Variants in TUT4 observed in about 807,000 individuals in gnomAD.
TUT4 encodes terminal uridylyltransferase 4.
A neutral mutation model predicts 192.2 loss-of-function variants in TUT4; 36 were observed. The observed-to-expected ratio is 0.19, with a 90% CI of 0.14 to 0.25. The LOEUF (loss-of-function observed/expected upper bound fraction) is 0.25, where lower values mean the gene tolerates loss of function less well. Among genes scored for constraint, TUT4 ranks in the 10% least tolerant of loss-of-function variants. TUT4 has a pLI of 1.00. For synonymous variants in TUT4, 618 were observed against 666.0 expected, an observed-to-expected ratio of 0.93 and a Z score of 1.11; for missense variants, 1,493 against 1,957.2, an observed-to-expected ratio of 0.76 and a Z score of 4.47.
intron 20 of TUT4, among the ~76,000 whole-genome samples, chr1:52,454,525 C>T (rs1046455564): frequency 3.3e-5 from 5 of 152,078 alleles, no homozygotes; most frequent in East Asian, 3.9e-4. Flanking sequence ...AACATCCACA[C>T]GCAAAACAAT....
At chr1:52,459,865 G>A (rs1662081129) in intron 19 of TUT4, among the ~76,000 whole-genome samples, 1 of 151,750 alleles carries the variant, frequency 6.6e-6, no homozygotes, top group Non-Finnish European at 1.5e-5. Context: ...CTGGGTGACA[G>A]AGAAAGACGC....
chr1:52,532,244 C>A (rs1683668153), intron 1 of TUT4, among the ~76,000 whole-genome samples: 1 of 152,026 alleles, frequency 6.6e-6, no homozygotes, highest in South Asian at 2.1e-4. Context: ...TTTCTCTCCT[C>A]AGAAGCAACT....
intron 15 of TUT4, among the ~76,000 whole-genome samples, chr1:52,466,118 C>T (rs551685663): frequency 2.0e-5 from 3 of 152,244 alleles, no homozygotes; most frequent in African/African-American, 4.8e-5. Context: ...TACCCCCATC[C>T]AGTTCTGATG....
chr1:52,501,420 T>C (rs993884381), intron 4 of TUT4, among the ~76,000 whole-genome samples: 3 of 133,692 alleles, frequency 2.2e-5, no homozygotes, highest in Admixed American at 1.6e-4. Context: ...TTCATATCCA[T>C]CAGCATTGCT....
intron 1 of TUT4, among the ~76,000 whole-genome samples, chr1:52,541,161 A>G (rs1686513834): frequency 6.6e-6 from 1 of 151,504 alleles, no homozygotes; most frequent in Admixed American, 6.6e-5. Flanking sequence ...GTGAGCCAAG[A>G]TCACGCGACT....
intron 19 of TUT4, among the ~76,000 whole-genome samples, chr1:52,459,145 G>A (rs1328933127): frequency 3.3e-5 from 5 of 152,116 alleles, no homozygotes; most frequent in African/African-American, 1.2e-4. Context: ...AGTTAGCCGG[G>A]TGTGGTGGCG....
In TUT4 at chr1:52,446,449, A is replaced by AT. The variant is rs759921503; in HGVS notation, c.3514-8dup. 3.8e-6 allele frequency: 6 copies of AT among 1,560,208 alleles called. No homozygotes were observed. The highest frequency in any genetic ancestry group is 2.6e-6 in the Non-Finnish European group (3 of 1,161,100). On this transcript the variant is annotated splice_region_variant and splice_polypyrimidine_tract_variant and intron_variant, in intron 21 of 29. Coordinates refer to ENST00000257177, the MANE Select transcript of TUT4 (RefSeq NM_001009881.3). ...GTGAAGGTAAACGCTTTTTCTACAT[A>AT]TAAAAAAAAAAAGAAAAGAACAATG...
At chr1:52,475,568 C>G (rs779113164) in intron 12 of TUT4, 33 bp from the exon 13 acceptor site, 1 of 1,534,886 alleles carries the variant, frequency 6.5e-7, no homozygotes, top group Non-Finnish European at 8.8e-7. Context: ...ATAGCTAAGT[C>G]TCTACTAACA....
At chr1:52,469,536 G>A (rs1360659818) in intron 14 of TUT4, among the ~76,000 whole-genome samples, 1 of 152,110 alleles carries the variant, frequency 6.6e-6, no homozygotes, top group African/African-American at 2.4e-5. Flanking sequence ...CGAGCCATGT[G>A]GTAATGAGTT....
At chr1:52,450,320 A>T (rs1379421104) in intron 20 of TUT4, among the ~76,000 whole-genome samples, 2 of 152,202 alleles carry the variant, frequency 1.3e-5, no homozygotes, top group African/African-American at 4.8e-5. Context: ...GACAACCATT[A>T]AAAAAGGCCA....
In TUT4 at chr1:52,497,104, A is replaced by G. The variant is rs111535512; in HGVS notation, c.1079T>C (p.Ile360Thr). ...AHLAALSVAV[I>T]ELAKEHGITD... ...TATTCCATGTTCTTTTGCTAATTCA[A>G]TGACTGCAACACTTAAAGCAGCCAA... is the stretch of plus-strand genomic sequence containing the variant. The change falls in exon 5 of 30, where the codon ATT (isoleucine) becomes ACT (threonine). Residue 360 changes from isoleucine to threonine, a missense_variant. By Grantham distance (89) the Ile-to-Thr change is moderately conservative (BLOSUM62 -1). Around this residue, in one of 7 missense-constraint regions of TUT4, gnomAD observed 437 missense variants for 577.6 expected, o/e 0.76. Transcript: ENST00000257177. 40 of 1,613,928 alleles carry G rather than the reference A, an allele frequency of 2.5e-5. No homozygotes were observed. Among genetic ancestry groups the G allele is most frequent in the Non-Finnish European group, 3.4e-5 (40 of 1,179,982 alleles).
chr1:52,532,259 A>G (rs550755901), intron 1 of TUT4, among the ~76,000 whole-genome samples: 3 of 151,406 alleles, frequency 2.0e-5, no homozygotes, highest in African/African-American at 4.8e-5. Context: ...GCAACTACCT[A>G]CTTTCAGTTA....
intron 8 of TUT4, 31 bp downstream of exon 8, chr1:52,490,701 T>C: frequency 6.3e-7 from 1 of 1,576,438 alleles, no homozygotes; most frequent in Non-Finnish European, 8.6e-7. Flanking sequence ...GGGTTTGTTT[T>C]TTTAAATATT....
In TUT4 at chr1:52,475,114, T is replaced by C. The variant is rs1666757262; in HGVS notation, c.2445A>G (p.Lys815=). The C allele has an allele frequency of 1.9e-6, 3 of 1,614,044 alleles. No homozygotes were observed. Among genetic ancestry groups the C allele is most frequent in the African/African-American group, 1.3e-5 (1 of 74,922 alleles). ...SSEIEPKLDK[K]QDDLAPSETC... ...TTTCTGAAGGCGCTAAATCATCTTG[T>C]TTCTTATCTAATTTTGGCTCTATTT... The change falls in exon 13 of 30, where the codon AAA becomes AAG. Residue 815 remains lysine, a synonymous_variant. Transcript: ENST00000257177.
At chr1:52,436,406 A>G (rs777748636) in intron 26 of TUT4, among the ~76,000 whole-genome samples, 6 of 150,972 alleles carry the variant, frequency 4.0e-5, no homozygotes, top group Non-Finnish European at 8.8e-5. Flanking sequence ...GAATCGCTTG[A>G]ACCCGGGAGG....
At chr1:52,436,644 C>T (rs373608842) in intron 26 of TUT4, 111 bp downstream of exon 26, 9 of 1,509,812 alleles carry the variant, frequency 6.0e-6, no homozygotes, top group African/African-American at 4.2e-5. Context: ...TTGTAAGGTC[C>T]AAAATCATAC....
At chr1:52,446,158 T>C in intron 22 of TUT4, 107 bp downstream of exon 22, 1 of 1,376,070 alleles carries the variant, frequency 7.3e-7, no homozygotes, top group Non-Finnish European at 1.0e-6. Flanking sequence ...GGAGGAAAAC[T>C]GATAAAAGAG....
intron 2 of TUT4, among the ~76,000 whole-genome samples, chr1:52,520,624 T>C (rs1679986986): frequency 6.6e-6 from 1 of 152,150 alleles, no homozygotes; most frequent in Admixed American, 6.5e-5. Flanking sequence ...TCTCCTCAAA[T>C]ATTCACCTGG....
chr1:52,544,507 C>G (rs1687572770), intron 1 of TUT4, among the ~76,000 whole-genome samples: 1 of 152,184 alleles, frequency 6.6e-6, no homozygotes, highest in Admixed American at 6.5e-5. Context: ...TGAATTTTGA[C>G]CATAAACAAA....
Sources: gnomAD v4.1 joint callset for allele counts (sites outside exome capture counted in the v4.1 genomes callset) on GRCh38, gnomAD v4.1.1 for gene constraint, gnomAD v4.1.1 regional missense constraint, MANE v1.5 for transcripts, NCBI Gene and HGNC (gene_info 2026-07-23, HGNC 2026-07-21) for gene names.